ARTN: variants seen among roughly 807,000 people sequenced by gnomAD.
The protein encoded by ARTN is artemin.
Under a neutral mutation model 15.4 loss-of-function variants are expected in ARTN, and 9 were observed. The ratio of observed to expected loss-of-function variants is 0.58; its 90% CI spans 0.35 to 1.02. The LOEUF (loss-of-function observed/expected upper bound fraction) is 1.02. Ranked by LOEUF, ARTN falls within the 50% of genes least tolerant of loss-of-function variation. The probability of loss-of-function intolerance (pLI) is 0.02; values close to 1 mark genes in which losing one functional copy is unlikely to be tolerated. For synonymous variants in ARTN, 163 were observed against 155.8 expected, an observed-to-expected ratio of 1.05 and a Z score of -0.35; for missense variants, 284 against 327.9, an observed-to-expected ratio of 0.87 and a Z score of 1.03.
rs1444826033 is a variant in ARTN at position 43,936,199 on chromosome 1, C to T, written c.167C>T (p.Pro56Leu). ...RSPAPREGPP[P>L]VLASPAGHLP... is the part of the protein sequence containing the mutation. The stretch of plus-strand genomic sequence containing the variant: ...CCTGCCCCCCGCGAAGGCCCCCCGC[C>T]TGTCCTGGCGTCCCCCGCCGGCCAC... Residue 56 changes from proline to leucine, a missense_variant, in exon 4 of 5, where the codon CCT (proline) becomes CTT (leucine). Transcript: ENST00000372359. This position sits in a 1 kb window ranked among gnomAD's most constrained non-coding sequence, Gnocchi z 6.6. The T allele has an allele frequency of 2.6e-6, 4 of 1,520,040 alleles. No homozygotes were observed. Among genetic ancestry groups the T allele is most frequent in the Non-Finnish European group, 3.5e-6 (4 of 1,140,098 alleles). The allele number at this position is 1,520,040 out of a possible 1,614,324, so 94.2% of individuals were successfully genotyped here. A position where few individuals can be genotyped will look rare whatever the true frequency, so the allele number is the denominator to read the frequency against.
Position 43,936,287 on chromosome 1 carries a change from TG to T in ARTN, c.200-12del, listed in dbSNP as rs2085094512. 13 of 1,380,670 alleles carry T rather than the reference TG, an allele frequency of 9.4e-6. No individual in the cohort carries two copies. The East Asian group carries it at 3.9e-4, about 41-fold the overall frequency. The allele number at this position is 1,380,670 out of a possible 1,614,324, so 85.5% of individuals were successfully genotyped here. ...GCTGGCCCGGGACACCGCGCGTGAC[TG>T]GGTCTCATTCCAGGGGGACGCACGG... On this transcript the variant is annotated splice_polypyrimidine_tract_variant and intron_variant, in intron 4 of 4. Coordinates refer to ENST00000372359, the MANE Select transcript of ARTN (RefSeq NM_057091.3). This position sits in a 1 kb window ranked among gnomAD's most constrained non-coding sequence, Gnocchi z 6.6.
chr1:43,935,901 C>A, intron 3 of ARTN, 185 bp downstream of exon 3: 1 of 923,292 alleles, frequency 1.1e-6, no homozygotes, highest in Non-Finnish European at 1.7e-6. Flanking sequence ...TGATTCCTCC[C>A]CTGGGCTCCC....
At chr1:43,935,103 G>A (rs1041573942) in intron 2 of ARTN, among the ~76,000 whole-genome samples, 9 of 152,220 alleles carry the variant, frequency 5.9e-5, no homozygotes, top group Admixed American at 4.6e-4. Flanking sequence ...TGGGTGGGCA[G>A]CACAGGCTGA....
chr1:43,935,929 T>C (rs2085086802), intron 3 of ARTN, 164 bp from the exon 4 acceptor site: 2 of 1,055,004 alleles, frequency 1.9e-6, no homozygotes, highest in African/African-American at 3.2e-5. Context: ...GCAAACCCAT[T>C]ATACTGGAAC....
At chr1:43,935,763 G>C (rs761348525) in intron 3 of ARTN, 47 bp downstream of exon 3, 2 of 1,559,502 alleles carry the variant, frequency 1.3e-6, no homozygotes, top group Non-Finnish European at 1.7e-6. Flanking sequence ...AGGAAAGGCG[G>C]CTTGACTGGT....
rs979316267 is a variant in ARTN at position 43,936,288 on chromosome 1, G to T, written c.200-14G>T. ...CTGGCCCGGGACACCGCGCGTGACTGGGTCTCATTCCAGGGGGACGCACGG... is the reference window on the plus strand; with the variant it reads ...CTGGCCCGGGACACCGCGCGTGACTTGGTCTCATTCCAGGGGGACGCACGG... On this transcript the variant is annotated splice_polypyrimidine_tract_variant and intron_variant, in intron 4 of 4. Coordinates refer to ENST00000372359, the MANE Select transcript of ARTN (RefSeq NM_057091.3). This position sits in a 1 kb window ranked among gnomAD's most constrained non-coding sequence, Gnocchi z 6.6. 363 of 1,380,952 alleles carry T rather than the reference G, an allele frequency of 2.6e-4. No individual in the cohort carries two copies. The highest frequency in any genetic ancestry group is 3.2e-4 in the Non-Finnish European group (349 of 1,077,288). The allele number at this position is 1,380,952 out of a possible 1,614,324, so 85.5% of individuals were successfully genotyped here.
At chr1:43,935,883 C>A in intron 3 of ARTN, 167 bp downstream of exon 3, 1 of 889,970 alleles carries the variant, frequency 1.1e-6, no homozygotes. Flanking sequence ...ATGGTCGGTG[C>A]ACTCAGGTGA....
chr1:43,936,013 C>G lies in ARTN; in HGVS notation c.61-80C>G. 6.3e-7 allele frequency: 1 copy of G among 1,589,370 alleles called. No homozygotes were observed. On this transcript the variant is annotated intron_variant, in intron 3 of 4. Coordinates refer to ENST00000372359, the MANE Select transcript of ARTN (RefSeq NM_057091.3). The surrounding 1 kb of genome is among the most constrained non-coding windows in gnomAD (Gnocchi z 6.6). ...GGCCTGATCTCAGCCCGAGGACAGCCCCTCCTTGAGGTCCTTCCTCCCCAA... is the reference window on the plus strand; with the variant it reads ...GGCCTGATCTCAGCCCGAGGACAGCGCCTCCTTGAGGTCCTTCCTCCCCAA...
Position 43,935,671 on chromosome 1 carries a change from T to C in ARTN, c.15T>C (p.Leu5=), listed in dbSNP as rs767033858. 7.4e-6 allele frequency: 12 copies of C among 1,613,574 alleles called. No individual in the cohort carries two copies. The highest frequency in any genetic ancestry group is 1.0e-5 in the Non-Finnish European group (12 of 1,179,770). MELG[L]GGLSTLSHCP... The stretch of plus-strand genomic sequence containing the variant: ...TGTTGATAGAGATGGAACTTGGACT[T>C]GGAGGCCTCTCCACGCTGTCCCACT... Residue 5 remains leucine, a synonymous_variant, in exon 3 of 5, where the codon CTT becomes CTC. Coordinates refer to ENST00000372359, the MANE Select transcript of ARTN (RefSeq NM_057091.3).
At chr1:43,934,762 G>C (rs929250082) in intron 2 of ARTN, among the ~76,000 whole-genome samples, 1 of 152,168 alleles carries the variant, frequency 6.6e-6, no homozygotes, top group Non-Finnish European at 1.5e-5. Context: ...GGCTGGGAGG[G>C]GGACAGACCT....
rs745773734 is a variant in ARTN, at chr1:43,936,088, C to T, written c.61-5C>T. The stretch of plus-strand genomic sequence containing the variant: ...CCTGAGGCTCCACTTGGTCTCTCCG[C>T]GCAGCCTGCCCTGTGGCCCACCCTG... On this transcript the variant is annotated splice_region_variant and splice_polypyrimidine_tract_variant and intron_variant, in intron 3 of 4. Transcript: ENST00000372359. This position sits in a 1 kb window ranked among gnomAD's most constrained non-coding sequence, Gnocchi z 6.6. 6 of 1,612,482 alleles carry T rather than the reference C, an allele frequency of 3.7e-6. No individual in the cohort carries two copies. The Admixed American group carries it at 1.0e-4, about 27-fold the overall frequency.
At position 43,936,038 on chromosome 1, in the gene ARTN, A is replaced by G. The variant is rs764733339; in HGVS notation, c.61-55A>G. ...CCCTCCTTGAGGTCCTTCCTCCCCA[A>G]GCCCACCTGGGTGCCCTCTTTCTCC... On this transcript the variant is annotated intron_variant, in intron 3 of 4. Coordinates refer to ENST00000372359, the MANE Select transcript of ARTN (RefSeq NM_057091.3). This position sits in a 1 kb window ranked among gnomAD's most constrained non-coding sequence, Gnocchi z 6.6. 6 of 1,613,260 alleles carry G rather than the reference A, an allele frequency of 3.7e-6. No homozygotes were observed. The South Asian group carries it at 5.5e-5, about 15-fold the overall frequency.
intron 2 of ARTN, 187 bp from the exon 3 acceptor site, chr1:43,935,402 GA>G (rs2085079541): frequency 1.9e-6 from 1 of 514,874 alleles, no homozygotes; most frequent in Non-Finnish European, 3.4e-6. Flanking sequence ...GGAAAAAGGG[GA>G]TTAAACCATT....
chr1:43,935,764 C>T (rs369563596), intron 3 of ARTN, 48 bp downstream of exon 3: 3 of 1,556,822 alleles, frequency 1.9e-6, no homozygotes, highest in Non-Finnish European at 2.6e-6. Context: ...GGAAAGGCGG[C>T]TTGACTGGTG....
intron 2 of ARTN, 118 bp downstream of exon 2, chr1:43,934,378 C>T (rs1390038379): frequency 6.6e-6 from 1 of 152,594 alleles, no homozygotes; most frequent in Non-Finnish European, 1.5e-5. Context: ...CCGGGCTCCC[C>T]CTAGCGCAGA....
chr1:43,935,536 CTG>C (rs1322115059), intron 2 of ARTN, 52 bp from the exon 3 acceptor site: 3 of 1,010,092 alleles, frequency 3.0e-6, no homozygotes, highest in Non-Finnish European at 4.5e-6. Flanking sequence ...CCTGGAGAAA[CTG>C]GGGTGGCAGG....
Position 43,937,065 on chromosome 1 carries a change from C to A in ARTN, c.*300C>A. On this transcript the variant is annotated 3_prime_UTR_variant, in exon 5 of 5. Transcript: ENST00000372359. ...ACTGGCCAGGCCTCGAACCTGGGAC[C>A]CCTCCTCTGATGAACACTACAGTGG... 3.4e-6 allele frequency: 1 copy of A among 291,872 alleles called. No individual in the cohort carries two copies. 18.1% of individuals were successfully genotyped at this position (291,872 alleles called of 1,614,324 possible).
rs1484345105 is a variant in ARTN, at chr1:43,937,149, C to A, written c.*384C>A. 2 of 178,126 alleles carry A rather than the reference C, an allele frequency of 1.1e-5. No individual in the cohort carries two copies. The highest frequency in any genetic ancestry group is 2.4e-5 in the African/African-American group (1 of 42,476). 11.0% of individuals were successfully genotyped at this position (178,126 alleles called of 1,614,324 possible). ...GACAGCATTTGAAGGACACATATTG[C>A]AGTTGCTTGGTTGAAAGTGCCTGTG... On this transcript the variant is annotated 3_prime_UTR_variant, in exon 5 of 5. Coordinates refer to ENST00000372359, the MANE Select transcript of ARTN (RefSeq NM_057091.3).
rs1431101432 is a variant in ARTN at position 43,937,006 on chromosome 1, G to C, written c.*241G>C. 1 of 450,376 alleles carries C rather than the reference G, an allele frequency of 2.2e-6. No individual in the cohort carries two copies. The highest frequency in any genetic ancestry group is 4.6e-5 in the Admixed American group (1 of 21,890). The allele number at this position is 450,376 out of a possible 1,614,324, so 27.9% of individuals were successfully genotyped here. A position where few individuals can be genotyped will look rare whatever the true frequency, so the allele number is the denominator to read the frequency against. On this transcript the variant is annotated 3_prime_UTR_variant, in exon 5 of 5. Coordinates refer to ENST00000372359, the MANE Select transcript of ARTN (RefSeq NM_057091.3). ...AAAGACACCAGAGACCTCAGCTATG[G>C]AGCCCTTCGGACCCACTTCTCACAG...
Sources: allele counts gnomAD v4.1 joint callset (sites outside exome capture counted in the v4.1 genomes callset), GRCh38; gene constraint gnomAD v4.1.1; non-coding constraint Gnocchi (gnomAD v3.1); transcripts MANE v1.5; gene names NCBI Gene and HGNC (gene_info 2026-07-23, HGNC 2026-07-21).